The following CACNA1C variants were observed in gnomAD, a reference collection of about 807,000 sequenced individuals.
CACNA1C encodes calcium voltage-gated channel subunit alpha1 C, also known as voltage-dependent L-type calcium channel subunit alpha-1C.
A neutral mutation model predicts 229.0 loss-of-function variants in CACNA1C; 30 were observed. The ratio of observed to expected loss-of-function variants is 0.13; its 90% CI spans 0.10 to 0.18. The LOEUF (loss-of-function observed/expected upper bound fraction) is 0.18. Among genes scored for constraint, CACNA1C ranks in the 10% least tolerant of loss-of-function variants. The pLI is 1.00. For missense variants in CACNA1C, 1,658 were observed against 2,845.0 expected (o/e 0.58, Z 9.49); for synonymous variants, 1,114 against 1,132.5 (o/e 0.98, Z 0.33).
chr12:2,155,810 C>G (rs2095524726), intron 3 of CACNA1C, among the ~76,000 whole-genome samples: 1 of 152,162 alleles, frequency 6.6e-6, no homozygotes, highest in African/African-American at 2.4e-5. Flanking sequence ...GGGTGCTTTT[C>G]TCATGTTTTC....
intron 3 of CACNA1C, among the ~76,000 whole-genome samples, chr12:2,325,181 G>A (rs1442835646): frequency 2.0e-5 from 3 of 152,116 alleles, no homozygotes; most frequent in African/African-American, 7.2e-5. Context: ...GTCACCTGCT[G>A]TCCGGAGGCA....
rs1030652702 is a variant in CACNA1C, at chr12:2,630,378, A to G, written c.3829-3919A>G. On this transcript the variant is annotated intron_variant, in intron 29 of 46. Coordinates refer to ENST00000399655, the MANE Select transcript of CACNA1C (RefSeq NM_000719.7). This position sits in a 1 kb window ranked among gnomAD's most constrained non-coding sequence, Gnocchi z 5.4. Reference sequence around the variant, plus strand: ...AGATGAGACAGCATCAAGCCCTTCCACTCCCGAGAGTGTTGGGAAAAGTAT... The same window carrying G: ...AGATGAGACAGCATCAAGCCCTTCCGCTCCCGAGAGTGTTGGGAAAAGTAT... Among the ~76,000 whole-genome samples the G allele has an allele frequency of 2.6e-5, 4 of 151,830 alleles. No homozygotes were observed. The highest frequency in any genetic ancestry group is 5.9e-5 in the Non-Finnish European group (4 of 67,978).
At chr12:2,091,515 C>T (rs1173426622) in intron 1 of CACNA1C, among the ~76,000 whole-genome samples, 2 of 152,196 alleles carry the variant, frequency 1.3e-5, no homozygotes, top group Non-Finnish European at 2.9e-5. Context: ...GCTCATGGCC[C>T]TCTCCTCTAC....
chr12:2,228,338 C>T (rs2063643705), intron 3 of CACNA1C, among the ~76,000 whole-genome samples: 1 of 152,194 alleles, frequency 6.6e-6, no homozygotes, highest in Non-Finnish European at 1.5e-5. Flanking sequence ...AAAGTAGGTA[C>T]TTCTTTATCT....
At chr12:2,139,682 A>G (rs936309302) in intron 3 of CACNA1C, among the ~76,000 whole-genome samples, 3 of 151,202 alleles carry the variant, frequency 2.0e-5, no homozygotes, top group Non-Finnish European at 3.0e-5. Context: ...TGTGTGGCAG[A>G]GGAGATCTCT....
At chr12:1,985,873 C>T (rs1037276053) in intron 1 of CACNA1C, among the ~76,000 whole-genome samples, 30 of 151,990 alleles carry the variant, frequency 2.0e-4, no homozygotes, top group Non-Finnish European at 3.7e-4. Flanking sequence ...TGCAGTGGTG[C>T]GATCTTGGCT....
rs1199740800 is a variant in CACNA1C at position 2,021,408 on chromosome 12, A to G, written c.139+50207A>G. Reference sequence around the variant, plus strand: ...AAGACACTCATTTTTGCCGGGCACTATGGCTCACACCTGTAATCCCAGCAC... The same window carrying G: ...AAGACACTCATTTTTGCCGGGCACTGTGGCTCACACCTGTAATCCCAGCAC... On this transcript the variant is annotated intron_variant, in intron 1 of 46. Coordinates refer to the CACNA1C transcript ENST00000682462. Among the ~76,000 whole-genome samples the G allele has an allele frequency of 3.3e-5, 5 of 152,070 alleles. No homozygotes were observed. The South Asian group carries it at 8.3e-4, about 25-fold the overall frequency.
intron 3 of CACNA1C, among the ~76,000 whole-genome samples, chr12:2,406,911 C>G (rs560540059): frequency 1.3e-5 from 2 of 152,364 alleles, no homozygotes; most frequent in Non-Finnish European, 2.9e-5. Context: ...CAGCTGCTTT[C>G]CTTTGCCACT....
intron 34 of CACNA1C, chr12:2,660,497 G>A (rs2095651867): frequency 6.5e-6 from 1 of 153,352 alleles, no homozygotes; most frequent in South Asian, 2.1e-4. Context: ...CACAAATGCT[G>A]ACGTATTGCT....
chr12:2,636,024 G>C (rs755400275), intron 30 of CACNA1C, among the ~76,000 whole-genome samples: 1 of 152,236 alleles, frequency 6.6e-6, no homozygotes, highest in East Asian at 1.9e-4. Flanking sequence ...CCAAGTTGCT[G>C]TTCCCACTCA....
chr12:2,374,094 A>G (rs959584679), intron 3 of CACNA1C, among the ~76,000 whole-genome samples: 18 of 152,034 alleles, frequency 1.2e-4, no homozygotes, highest in African/African-American at 4.1e-4. Flanking sequence ...AGAACCCAGC[A>G]CCCTCTTCCG....
intron 9 of CACNA1C, among the ~76,000 whole-genome samples, chr12:2,514,253 G>A (rs946350438): frequency 6.6e-6 from 1 of 152,154 alleles, no homozygotes; most frequent in South Asian, 2.1e-4. Context: ...AGATGTTCAC[G>A]GGAGCAGAAT....
intron 11 of CACNA1C, among the ~76,000 whole-genome samples, chr12:2,560,952 A>G (rs1055218383): frequency 1.3e-4 from 20 of 151,514 alleles, no homozygotes; most frequent in African/African-American, 4.6e-4. Context: ...ATGCCTGTGC[A>G]CCATTGCATG....
rs182479985 is a variant in CACNA1C, at chr12:2,624,717, C to T, written c.3829-9580C>T. ...AGCGCCCCGTGGTGGCCAGTGTCAC[C>T]CCCTCTCTAAGAACCCACACATAGC... On this transcript the variant is annotated intron_variant, in intron 29 of 46. Transcript: ENST00000399655. Among the ~76,000 whole-genome samples, 3 of 152,310 alleles carry T rather than the reference C, an allele frequency of 2.0e-5. No homozygotes were observed. In the East Asian group the frequency reaches 5.8e-4, roughly 29 times the overall value.
chr12:2,384,332 G>A lies in CACNA1C; in HGVS notation c.478-64644G>A, dbSNP rs146760628. On this transcript the variant is annotated intron_variant, in intron 3 of 46. Transcript: ENST00000399655. ...ATTGTGCGTCTTTCACCCTTTCTGT[G>A]CAAGTTGTTCTTTCTGACCCTAATC... Among the ~76,000 whole-genome samples, 442 of 152,252 alleles carry A rather than the reference G, an allele frequency of 2.9e-3. 2 individuals are homozygous for A. The highest frequency in any genetic ancestry group is 0.014 in the Middle Eastern group (4 of 294).
chr12:2,539,961 A>C (rs1382271304), intron 9 of CACNA1C, among the ~76,000 whole-genome samples: 1 of 151,908 alleles, frequency 6.6e-6, no homozygotes, highest in South Asian at 2.1e-4. Context: ...TAAAGGCTGG[A>C]GGAACAAAGT....
In CACNA1C at chr12:2,588,928, C is replaced by T. The variant is rs2063829853; in HGVS notation, c.2530+3024C>T. On this transcript the variant is annotated intron_variant, in intron 18 of 46. Transcript: ENST00000399655. ...TCAGCACCGCCTGTGCTGGGGGAGGCTTTCATTGCTGCAGAGGGTTCAAGG... is the reference window on the plus strand; with the variant it reads ...TCAGCACCGCCTGTGCTGGGGGAGGTTTTCATTGCTGCAGAGGGTTCAAGG... 2.0e-5 allele frequency among the ~76,000 whole-genome samples: 3 copies of T among 152,204 alleles called. No homozygotes were observed. The South Asian group carries it at 6.2e-4, about 32-fold the overall frequency.
At chr12:2,533,739 G>A (rs1053596981) in intron 9 of CACNA1C, among the ~76,000 whole-genome samples, 1 of 152,184 alleles carries the variant, frequency 6.6e-6, no homozygotes, top group African/African-American at 2.4e-5. Context: ...AAAAGCGCCA[G>A]GGCTGGGGAA....
intron 1 of CACNA1C, among the ~76,000 whole-genome samples, chr12:2,037,943 C>T (rs539613541): frequency 1.8e-4 from 27 of 152,202 alleles, no homozygotes; most frequent in African/African-American, 5.8e-4. Flanking sequence ...TGGTGGATTT[C>T]GAGTGTATTG....
Sources: gnomAD v4.1 joint callset for allele counts (sites outside exome capture counted in the v4.1 genomes callset) on GRCh38, gnomAD v4.1.1 for gene constraint, Gnocchi (gnomAD v3.1) non-coding constraint, MANE v1.5 for transcripts, NCBI Gene and HGNC (gene_info 2026-07-23, HGNC 2026-07-21) for gene names.